MINDY4: variants seen among roughly 807,000 people sequenced by gnomAD.
MINDY4 encodes probable ubiquitin carboxyl-terminal hydrolase MINDY-4.
In MINDY4, 68 loss-of-function variants were observed where a neutral mutation model predicts 87.0. The ratio of observed to expected loss-of-function variants is 0.78; its 90% CI spans 0.64 to 0.96. MINDY4 has a LOEUF of 0.96. MINDY4 is among the 40% of genes least tolerant of loss of function. MINDY4 has a pLI of 0.00. For missense variants in MINDY4, 919 were observed against 928.2 expected, an observed-to-expected ratio of 0.99 and a Z score of 0.13; for synonymous variants, 379 against 363.2, an observed-to-expected ratio of 1.04 and a Z score of -0.50.
At chr7:30,833,384 T>C (rs1207228354) in intron 6 of MINDY4, among the ~76,000 whole-genome samples, 1 of 152,210 alleles carries the variant, frequency 6.6e-6, no homozygotes, top group African/African-American at 2.4e-5. Flanking sequence ...CTTCTGTTTT[T>C]AAAAGCCATC....
At chr7:30,879,020 C>G (rs971916566) in intron 15 of MINDY4, among the ~76,000 whole-genome samples, 1 of 152,210 alleles carries the variant, frequency 6.6e-6, no homozygotes, top group African/African-American at 2.4e-5. Flanking sequence ...CCAGTGTGAT[C>G]TTTAAAAATA....
chr7:30,853,600 C>T lies in MINDY4; in HGVS notation c.1677+141C>T, dbSNP rs551546863. On this transcript the variant is annotated intron_variant, in intron 12 of 17. Transcript: ENST00000265299. ...GGAAGCTGGGAAGGAGTAATGCTGGCCCCTGGTTGGGGGCTGAGGAGAATG... is the reference window on the plus strand; with the variant it reads ...GGAAGCTGGGAAGGAGTAATGCTGGTCCCTGGTTGGGGGCTGAGGAGAATG... The T allele has an allele frequency of 1.6e-4, 121 of 760,048 alleles. 1 individual carries two copies. The South Asian group carries it at 1.7e-3, about 10-fold the overall frequency. The allele number at this position is 760,048 out of a possible 1,614,324, so 47.1% of individuals were successfully genotyped here.
intron 17 of MINDY4, among the ~76,000 whole-genome samples, chr7:30,885,558 G>A (rs1310298951): frequency 6.6e-6 from 1 of 152,028 alleles, no homozygotes; most frequent in East Asian, 1.9e-4. Context: ...AACACAAAGC[G>A]CCGTGCCCCA....
At chr7:30,853,559 C>A in intron 12 of MINDY4, 100 bp downstream of exon 12, 1 of 1,091,380 alleles carries the variant, frequency 9.2e-7, no homozygotes, top group Non-Finnish European at 1.4e-6. Context: ...CCTGTCGTCC[C>A]ACCCTGGGAT....
At chr7:30,877,990 T>C (rs548558104) in intron 15 of MINDY4, among the ~76,000 whole-genome samples, 5 of 151,790 alleles carry the variant, frequency 3.3e-5, no homozygotes, top group East Asian at 1.9e-4. Flanking sequence ...CCTTCCCTCT[T>C]CTTTAACACC....
chr7:30,819,892 ATTTTTTTTT>A (rs60124746), intron 5 of MINDY4, among the ~76,000 whole-genome samples: 179 of 96,684 alleles, frequency 1.9e-3, no homozygotes, highest in African/African-American at 8.6e-3. Context: ...CATATAGATA[ATTTTTTTTT>A]TTTTTTTTTT....
intron 3 of MINDY4, among the ~76,000 whole-genome samples, chr7:30,783,333 TG>T (rs1463828213): frequency 6.6e-6 from 1 of 152,190 alleles, no homozygotes; most frequent in East Asian, 1.9e-4. Context: ...GAAGGACCCC[TG>T]TGATTACATT....
chr7:30,772,030 A>G (rs1289923992), intron 1 of MINDY4, among the ~76,000 whole-genome samples: 5 of 152,256 alleles, frequency 3.3e-5, no homozygotes, highest in Non-Finnish European at 5.9e-5. Flanking sequence ...ATTTTAGTCA[A>G]CAGTGGGAAT....
At position 30,820,234 on chromosome 7, in the gene MINDY4, T is replaced by C. The variant is rs893855758; in HGVS notation, c.1074-8445T>C. 2.0e-5 allele frequency among the ~76,000 whole-genome samples: 3 copies of C among 152,326 alleles called. No individual in the cohort carries two copies. In the East Asian group the frequency reaches 5.8e-4, roughly 29 times the overall value. ...TTAAAAGTAAAATTCAATCTGTGTC[T>C]CTTTTAACTGGCAAGTTTAATTTTT... On this transcript the variant is annotated intron_variant, in intron 5 of 17. Coordinates refer to ENST00000265299, the MANE Select transcript of MINDY4 (RefSeq NM_032222.3).
intron 17 of MINDY4, among the ~76,000 whole-genome samples, chr7:30,887,141 C>G (rs1486734738): frequency 1.3e-5 from 2 of 152,210 alleles, no homozygotes; most frequent in South Asian, 2.1e-4. Flanking sequence ...CAGCTACCCC[C>G]ACTCCCTGCG....
At chr7:30,850,316 G>A (rs1248867858) in intron 9 of MINDY4, 138 bp from the exon 10 acceptor site, 1 of 746,414 alleles carries the variant, frequency 1.3e-6, no homozygotes, top group Non-Finnish European at 2.2e-6. Flanking sequence ...GGGCTCCTGG[G>A]CTGCAGGTGG....
chr7:30,872,401 A>G (rs2128578647), intron 14 of MINDY4, 95 bp downstream of exon 14: 1 of 1,214,644 alleles, frequency 8.2e-7, no homozygotes. Context: ...CCAGAAAAAG[A>G]CAAGTCTTTC....
At chr7:30,867,666 G>A (rs574836511) in intron 13 of MINDY4, among the ~76,000 whole-genome samples, 11 of 152,242 alleles carry the variant, frequency 7.2e-5, no homozygotes, top group African/African-American at 2.4e-4. Context: ...TAAACCCCAC[G>A]AAAGGGCTGT....
intron 17 of MINDY4, among the ~76,000 whole-genome samples, chr7:30,884,740 T>C (rs1421569156): frequency 1.3e-5 from 2 of 152,194 alleles, no homozygotes; most frequent in African/African-American, 4.8e-5. Flanking sequence ...ACTGCATGAC[T>C]CACCAAGCAC....
chr7:30,772,601 CTGTTTCTGACACCAAACAGG>C (rs1786678038), intron 1 of MINDY4, among the ~76,000 whole-genome samples: 1 of 152,326 alleles, frequency 6.6e-6, no homozygotes, highest in African/African-American at 2.4e-5. Context: ...CCCACCCTCA[CTGTTTCTGACACCAAACAGG>C]TGTCTCTGAA....
chr7:30,890,206 G>C (rs993525795), intron 17 of MINDY4, among the ~76,000 whole-genome samples: 1 of 152,218 alleles, frequency 6.6e-6, no homozygotes, highest in African/African-American at 2.4e-5. Context: ...CTTTTATGCC[G>C]AGTGTTTTAA....
Position 30,782,036 on chromosome 7 carries a change from C to T in MINDY4, c.243C>T (p.His81=), listed in dbSNP as rs1429031833. Residue 81 remains histidine (H), a synonymous_variant, in exon 3 of 18, where the codon CAC becomes CAT. Transcript: ENST00000265299. ...TCATCACCAGATACTTTCTGGATCA[C>T]TTTGGAAATACGGCTAACAATTTCA... ...LELITRYFLD[H]FGNTANNFTQ... is the part of the protein sequence containing the mutation. The T allele has an allele frequency of 2.5e-6, 4 of 1,614,100 alleles. No individual in the cohort carries two copies. Among genetic ancestry groups the T allele is most frequent in the Non-Finnish European group, 3.4e-6 (4 of 1,180,014 alleles).
chr7:30,792,190 A>G (rs1048182946), intron 5 of MINDY4, among the ~76,000 whole-genome samples: 1 of 152,132 alleles, frequency 6.6e-6, no homozygotes, highest in Non-Finnish European at 1.5e-5. Context: ...TGATTCCTAC[A>G]TTGATTGATT....
intron 9 of MINDY4, among the ~76,000 whole-genome samples, chr7:30,845,450 G>A (rs1333958022): frequency 6.6e-6 from 1 of 151,510 alleles, no homozygotes; most frequent in Non-Finnish European, 1.5e-5. Context: ...ATGTGTGAAT[G>A]GTTGGGTGTG....
Sources: gnomAD v4.1 joint callset for allele counts (sites outside exome capture counted in the v4.1 genomes callset) on GRCh38, gnomAD v4.1.1 for gene constraint, MANE v1.5 for transcripts, NCBI Gene and HGNC (gene_info 2026-07-23, HGNC 2026-07-21) for gene names.